The following VMA21 variants were observed in gnomAD, a reference collection of about 807,000 sequenced individuals.
VMA21 encodes the protein vacuolar ATPase assembly factor VMA21, also known as vacuolar ATPase assembly integral membrane protein VMA21.
For synonymous variants in VMA21, 47 were observed against 34.1 expected (o/e 1.38, Z -1.32); for missense variants, 61 against 80.6 (o/e 0.76, Z 0.93).
chrX:151,398,408 CTTG>C (rs72269112), intron 1 of VMA21, among the ~76,000 whole-genome samples: 39,554 of 107,927 alleles, frequency 0.37, 6,759 homozygotes, highest in Non-Finnish European at 0.52. Flanking sequence ...TCCATCTGTT[CTTG>C]TTGTTTAGTT....
rs956643997 is a variant in VMA21 at position 151,398,598 on chromosome X, GT to G, written c.53+1246del. ...TTTTCTTTATCCAGCCTCAATGTGG[GT>G]TTTTTTTTAATTATTCATTTATGAG... On this transcript the variant is annotated intron_variant, in intron 1 of 2. Transcript: ENST00000330374. Among the ~76,000 whole-genome samples, 8 of 109,643 alleles carry G rather than the reference GT, an allele frequency of 7.3e-5. No individual in the cohort carries two copies. The East Asian group carries it at 8.6e-4, about 12-fold the overall frequency.
At chrX:151,398,378 CTGT>C (rs1238591990) in intron 1 of VMA21, among the ~76,000 whole-genome samples, 1 of 99,155 alleles carries the variant, frequency 1.0e-5, no homozygotes, top group Non-Finnish European at 2.1e-5. Flanking sequence ...ACCGCACTGT[CTGT>C]TGTTCCTCTC....
At chrX:151,403,583 G>GAT in intron 1 of VMA21, 48 bp from the exon 2 acceptor site, 1 of 943,248 alleles carries the variant, frequency 1.1e-6, no homozygotes, top group Non-Finnish European at 1.5e-6. Context: ...AGAGCGTTTG[G>GAT]ATATGACTGT....
intron 1 of VMA21, among the ~76,000 whole-genome samples, chrX:151,403,402 C>T (rs1323667911): frequency 1.8e-5 from 2 of 112,790 alleles, no homozygotes. Flanking sequence ...TCGTCTTACA[C>T]TGGATATGAA....
intron 1 of VMA21, among the ~76,000 whole-genome samples, chrX:151,401,208 T>G (rs1289392627): frequency 8.9e-6 from 1 of 112,095 alleles, no homozygotes; most frequent in Non-Finnish European, 1.9e-5. Context: ...GATTTTTGTT[T>G]ATGGTGTAAG....
At position 151,397,359 on chromosome X, in the gene VMA21, C is replaced by G. The variant is rs1459071945; in HGVS notation, c.51C>G (p.Phe17Leu). The G allele has an allele frequency of 8.6e-7, 1 of 1,162,127 alleles. No homozygotes were observed. Among genetic ancestry groups the G allele is most frequent in the South Asian group, 1.9e-5 (1 of 52,694 alleles). ...AALNALQPPE[F>L]RNESSLASTL... The stretch of plus-strand genomic sequence containing the variant: ...TGAACGCACTGCAGCCTCCTGAGTT[C>G]AGGTAGCCCTGAGCGGGGCCTGGAC... Residue 17 changes from phenylalanine (F) to leucine (L), a missense_variant and splice_region_variant, in exon 1 of 3, where the codon TTC becomes TTG. Coordinates refer to ENST00000330374, the MANE Select transcript of VMA21 (RefSeq NM_001017980.4).
At chrX:151,397,182 C>A (rs1418434480), upstream of VMA21, 62 of 755,202 alleles carry the variant, frequency 8.2e-5, no homozygotes, top group African/African-American at 1.3e-3. Context: ...CCGGCGCGAA[C>A]GGGCACTTCC....
At chrX:151,397,048 G>A (rs2011195367), upstream of VMA21, 2 of 494,677 alleles carry the variant, frequency 4.0e-6, no homozygotes, top group South Asian at 2.6e-5. Context: ...ACGCCGCGGA[G>A]CCACCGCCGG....
At chrX:151,402,214 G>A (rs1243347299) in intron 1 of VMA21, among the ~76,000 whole-genome samples, 1 of 112,332 alleles carries the variant, frequency 8.9e-6, no homozygotes, top group Non-Finnish European at 1.9e-5. Context: ...GTTTGTGACA[G>A]AGTCTTGCTC....
chrX:151,401,876 A>C (rs1056436216), intron 1 of VMA21, among the ~76,000 whole-genome samples: 4 of 110,624 alleles, frequency 3.6e-5, no homozygotes, highest in African/African-American at 9.9e-5. Flanking sequence ...CCTCTTGAGT[A>C]GCTGAGATTA....
chrX:151,397,103 TCGCTGCGGCGCGCCG>T (rs1569365069), upstream of VMA21: 4 of 356,042 alleles, frequency 1.1e-5, no homozygotes, highest in Non-Finnish European at 1.8e-5. Flanking sequence ...CAGCCCTGCG[TCGCTGCGGCGCGCCG>T]CGCCGCGCCG....
chrX:151,399,318 T>A (rs2011220047), intron 1 of VMA21, among the ~76,000 whole-genome samples: 1 of 111,996 alleles, frequency 8.9e-6, no homozygotes, highest in Non-Finnish European at 1.9e-5. Context: ...TATAGGTGAT[T>A]TTGTTTACTT....
rs1179795535 is a variant in VMA21 at position 151,404,987 on chromosome X, G to A, written c.235G>A (p.Val79Met). 1 of 1,208,699 alleles carries A rather than the reference G, an allele frequency of 8.3e-7. No individual in the cohort carries two copies. Among genetic ancestry groups the A allele is most frequent in the African/African-American group, 1.8e-5 (1 of 56,750 alleles). The change falls in exon 3 of 3, where the codon GTG (valine) becomes ATG (methionine). Residue 79 changes from valine (V) to methionine (M), a missense_variant. Physicochemically the swap from Val to Met is conservative, Grantham distance 21 (BLOSUM62 1). Transcript: ENST00000330374. Reference sequence around the variant, plus strand: ...TGTTGCAGTGGTCGCCGTCCATGTGGTGCTGGCCCTCTTTGTGTATGTGGC... The same window carrying A: ...TGTTGCAGTGGTCGCCGTCCATGTGATGCTGGCCCTCTTTGTGTATGTGGC... The part of the protein sequence containing the change: ...AIVAVVAVHV[V>M]LALFVYVAWN...
At chrX:151,397,431 C>G in intron 1 of VMA21, 70 bp downstream of exon 1, 2 of 1,108,930 alleles carry the variant, frequency 1.8e-6, no homozygotes, top group Non-Finnish European at 2.4e-6. Flanking sequence ...GAGGGAAGGC[C>G]CTAGCTGAAT....
intron 1 of VMA21, among the ~76,000 whole-genome samples, chrX:151,400,717 G>A (rs1050907784): frequency 2.7e-5 from 3 of 112,167 alleles, no homozygotes; most frequent in South Asian, 3.7e-4. Context: ...GTTATCACTT[G>A]CCTTTTTGAT....
chrX:151,397,097 C>CCTGCGTCGCTGCGGCGCG (rs1443856629), upstream of VMA21: 578 of 366,596 alleles, frequency 1.6e-3, 13 homozygotes, highest in East Asian at 0.025. Context: ...CGGCAACAGC[C>CCTGCGTCGCTGCGGCGCG]CTGCGTCGCT....
chrX:151,406,892 T>G lies in VMA21; in HGVS notation c.*1834T>G, dbSNP rs1280607419. ...AAGTCAAATAGCATTTGTGTTTAAC[T>G]GTTGAGAAAAGTGAAAGATCAGTAT... On this transcript the variant is annotated 3_prime_UTR_variant, in exon 3 of 3. Transcript: ENST00000330374. 8.9e-6 allele frequency: 1 copy of G among 112,242 alleles called. No individual in the cohort carries two copies. The highest frequency in any genetic ancestry group is 9.5e-5 in the Admixed American group (1 of 10,577). 9.3% of individuals were successfully genotyped at this position (112,242 alleles called of 1,213,427 possible). A position where few individuals can be genotyped will look rare whatever the true frequency, so the allele number is the denominator to read the frequency against.
rs1286754980 is a variant in VMA21, at chrX:151,406,690, A to G, written c.*1632A>G. 8.9e-6 allele frequency: 1 copy of G among 111,759 alleles called. No homozygotes were observed. Among genetic ancestry groups the G allele is most frequent in the Non-Finnish European group, 1.9e-5 (1 of 53,143 alleles). The allele number at this position is 111,759 out of a possible 1,213,427, so 9.2% of individuals were successfully genotyped here. ...GCTACCACGCCCGGCCTTATTGACC[A>G]TTTTCTAAATAAGCACATTCTATCT... On this transcript the variant is annotated 3_prime_UTR_variant, in exon 3 of 3. Transcript: ENST00000330374.
rs1182925584 is a variant in VMA21 at position 151,407,982 on chromosome X, C to T, written c.*2924C>T. 1.8e-5 allele frequency: 2 copies of T among 109,176 alleles called. No homozygotes were observed. The highest frequency in any genetic ancestry group is 6.7e-5 in the African/African-American group (2 of 29,890). 9.0% of individuals were successfully genotyped at this position (109,176 alleles called of 1,213,427 possible). ...TCTCGGCTCGCTGCAACCTCCGCCT[C>T]CCGGGTTCAAGCAGTTCTCCTGCCT... On this transcript the variant is annotated 3_prime_UTR_variant, in exon 3 of 3. Transcript: ENST00000330374.
Sources: allele counts gnomAD v4.1 joint callset (sites outside exome capture counted in the v4.1 genomes callset), GRCh38; gene constraint gnomAD v4.1.1; transcripts MANE v1.5; gene names NCBI Gene and HGNC (gene_info 2026-07-23, HGNC 2026-07-21).